Variants in KIAA1328 observed in about 807,000 individuals in gnomAD.
KIAA1328 encodes the protein protein hinderin.
Under a neutral mutation model 68.1 loss-of-function variants are expected in KIAA1328, and 52 were observed. The ratio of observed to expected loss-of-function variants is 0.76; its 90% CI spans 0.61 to 0.96. KIAA1328 has a LOEUF of 0.96. Ranked by LOEUF, KIAA1328 falls within the 40% of genes least tolerant of loss-of-function variation. The probability of loss-of-function intolerance (pLI) is 0.00; values close to 1 mark genes in which losing one functional copy is unlikely to be tolerated. For synonymous variants in KIAA1328, 232 were observed against 239.4 expected, an observed-to-expected ratio of 0.97 and a Z score of 0.28; for missense variants, 641 against 677.6, an observed-to-expected ratio of 0.95 and a Z score of 0.60.
intron 6 of KIAA1328, among the ~76,000 whole-genome samples, chr18:36,975,670 C>A (rs888582278): frequency 1.3e-5 from 2 of 152,174 alleles, no homozygotes; most frequent in African/African-American, 4.8e-5. Flanking sequence ...CTTCCTTCAA[C>A]TGCCTGTTAA....
intron 6 of KIAA1328, among the ~76,000 whole-genome samples, chr18:36,972,904 C>T (rs1256190415): frequency 3.9e-5 from 6 of 152,270 alleles, no homozygotes; most frequent in Non-Finnish European, 4.4e-5. Context: ...ATATTACCAA[C>T]AAGGTGATAG....
At chr18:36,901,124 G>A (rs1188463870) in intron 5 of KIAA1328, among the ~76,000 whole-genome samples, 5 of 151,914 alleles carry the variant, frequency 3.3e-5, no homozygotes, top group African/African-American at 4.8e-5. Flanking sequence ...CTTGAGATGC[G>A]AGTTTTTCAG....
At chr18:37,030,835 C>T (rs2054794868) in intron 6 of KIAA1328, among the ~76,000 whole-genome samples, 1 of 151,978 alleles carries the variant, frequency 6.6e-6, no homozygotes, top group South Asian at 2.1e-4. Flanking sequence ...CTCTCCTATG[C>T]CCCCACCCCC....
chr18:37,062,074 C>A (rs1250124390), intron 6 of KIAA1328, among the ~76,000 whole-genome samples: 1 of 152,154 alleles, frequency 6.6e-6, no homozygotes, highest in African/African-American at 2.4e-5. Context: ...TACAAGAACC[C>A]TAAAAGGCAG....
chr18:36,962,086 C>A (rs557613642), intron 6 of KIAA1328, among the ~76,000 whole-genome samples: 2 of 152,142 alleles, frequency 1.3e-5, no homozygotes, highest in Non-Finnish European at 2.9e-5. Flanking sequence ...TGTGCAGAGA[C>A]ACACATAGGC....
chr18:36,875,348 AGTGGT>A (rs2150945597), intron 4 of KIAA1328, among the ~76,000 whole-genome samples: 1 of 152,274 alleles, frequency 6.6e-6, no homozygotes, highest in Admixed American at 6.5e-5. Flanking sequence ...TTCCTTGAGC[AGTGGT>A]GTGTAGTTCT....
At chr18:36,840,296 TTCTGAAACTAGGGTAAA>T (rs1249267501) in intron 3 of KIAA1328, among the ~76,000 whole-genome samples, 1 of 152,174 alleles carries the variant, frequency 6.6e-6, no homozygotes, top group Non-Finnish European at 1.5e-5. Context: ...TTGTTTTGTT[TTCTGAAACTAGGGTAAA>T]TCTGGTCCCT....
At chr18:37,136,444 T>C (rs1239489383) in intron 7 of KIAA1328, among the ~76,000 whole-genome samples, 1 of 152,228 alleles carries the variant, frequency 6.6e-6, no homozygotes, top group Non-Finnish European at 1.5e-5. Context: ...CATGCTTGAA[T>C]GAAATTAAAA....
At chr18:37,100,296 C>T (rs1332550780) in intron 7 of KIAA1328, among the ~76,000 whole-genome samples, 1 of 152,190 alleles carries the variant, frequency 6.6e-6, no homozygotes, top group South Asian at 2.1e-4. Flanking sequence ...ACAGATGGCA[C>T]CTGGAAAATC....
intron 6 of KIAA1328, among the ~76,000 whole-genome samples, chr18:37,058,174 T>G (rs773786496): frequency 1.1e-4 from 17 of 152,098 alleles, no homozygotes; most frequent in Non-Finnish European, 1.9e-4. Flanking sequence ...TGCAGAGAGA[T>G]GTGGTTAACC....
chr18:37,047,361 C>T lies in KIAA1328; in HGVS notation c.577-19529C>T, dbSNP rs551793523. On this transcript the variant is annotated intron_variant, in intron 6 of 9. Coordinates refer to ENST00000280020, the MANE Select transcript of KIAA1328 (RefSeq NM_020776.3). Reference sequence around the variant, plus strand: ...TTTCCTTCCACTGCCTATCACTTGGCTCATTGGCCATCTACTATATTAGAT... The same window carrying T: ...TTTCCTTCCACTGCCTATCACTTGGTTCATTGGCCATCTACTATATTAGAT... Among the ~76,000 whole-genome samples the T allele has an allele frequency of 4.6e-5, 7 of 152,180 alleles. No homozygotes were observed. In the South Asian group the frequency reaches 1.0e-3, roughly 23 times the overall value.
chr18:37,189,533 C>T (rs1319879544), intron 9 of KIAA1328, among the ~76,000 whole-genome samples: 2 of 152,106 alleles, frequency 1.3e-5, no homozygotes, highest in Non-Finnish European at 2.9e-5. Context: ...ATTCATGTAG[C>T]CTTTGCAAAA....
intron 8 of KIAA1328, among the ~76,000 whole-genome samples, chr18:37,161,485 A>G (rs1387510634): frequency 6.6e-6 from 1 of 152,266 alleles, no homozygotes; most frequent in Non-Finnish European, 1.5e-5. Flanking sequence ...TTTGTTAGAC[A>G]TAAGGCAAAG....
At chr18:36,969,429 A>G (rs895474162) in intron 6 of KIAA1328, among the ~76,000 whole-genome samples, 5 of 152,120 alleles carry the variant, frequency 3.3e-5, no homozygotes, top group Non-Finnish European at 7.4e-5. Context: ...GATCCAAGTA[A>G]ACACAATCAG....
Position 37,040,155 on chromosome 18 carries a change from C to G in KIAA1328, c.577-26735C>G, listed in dbSNP as rs536622453. ...TGTTTTAAGGGCTTGTGTGATTAGA[C>G]TAGGTCCATCTGAATGATCTTTTTT... On this transcript the variant is annotated intron_variant, in intron 6 of 9. Coordinates refer to ENST00000280020, the MANE Select transcript of KIAA1328 (RefSeq NM_020776.3). 2.6e-5 allele frequency among the ~76,000 whole-genome samples: 4 copies of G among 152,320 alleles called. No homozygotes were observed. The South Asian group carries it at 8.3e-4, about 32-fold the overall frequency.
intron 7 of KIAA1328, among the ~76,000 whole-genome samples, chr18:37,093,853 A>G (rs1383491611): frequency 6.6e-6 from 1 of 152,226 alleles, no homozygotes; most frequent in Non-Finnish European, 1.5e-5. Context: ...GTTATAAACT[A>G]TCAAAAGGCA....
At chr18:36,997,209 C>T (rs2053424899) in intron 6 of KIAA1328, among the ~76,000 whole-genome samples, 1 of 152,148 alleles carries the variant, frequency 6.6e-6, no homozygotes, top group Admixed American at 6.5e-5. Flanking sequence ...AGTCTGGCTT[C>T]ATTAGTTCAA....
intron 5 of KIAA1328, among the ~76,000 whole-genome samples, chr18:36,933,737 G>A (rs1568181400): frequency 1.3e-5 from 2 of 152,314 alleles, no homozygotes; most frequent in South Asian, 4.1e-4. Flanking sequence ...TGCAGATAAA[G>A]CATCCAGGCT....
chr18:37,117,865 C>T (rs1183970495), intron 7 of KIAA1328, among the ~76,000 whole-genome samples: 1 of 142,844 alleles, frequency 7.0e-6, no homozygotes, highest in South Asian at 2.2e-4. Flanking sequence ...AGAAAACGGA[C>T]GTAGTTGGTT....
Sources: allele counts gnomAD v4.1 joint callset (sites outside exome capture counted in the v4.1 genomes callset), GRCh38; gene constraint gnomAD v4.1.1; transcripts MANE v1.5; gene names NCBI Gene and HGNC (gene_info 2026-07-23, HGNC 2026-07-21).